The following USP37 variants were observed in gnomAD, a reference collection of about 807,000 sequenced individuals.
USP37 encodes the protein ubiquitin specific peptidase 37.
Under a neutral mutation model 124.0 loss-of-function variants are expected in USP37, and 27 were observed. The observed-to-expected ratio is 0.22, with a 90% CI of 0.16 to 0.30. The LOEUF (loss-of-function observed/expected upper bound fraction) is 0.30. Among genes scored for constraint, USP37 ranks in the 10% least tolerant of loss-of-function variants. The pLI is 1.00. For missense variants in USP37, 889 were observed against 1,140.4 expected (o/e 0.78, Z 3.17); for synonymous variants, 365 against 388.0 (o/e 0.94, Z 0.70).
intron 10 of USP37, among the ~76,000 whole-genome samples, chr2:218,523,543 C>T (rs1459725301): frequency 6.6e-6 from 1 of 152,000 alleles, no homozygotes; most frequent in African/African-American, 2.4e-5. Flanking sequence ...TCTTGTATTC[C>T]AGAAACCTTA....
At chr2:218,471,396 A>T (rs1690681279) in intron 20 of USP37, among the ~76,000 whole-genome samples, 1 of 152,224 alleles carries the variant, frequency 6.6e-6, no homozygotes, top group Non-Finnish European at 1.5e-5. Flanking sequence ...CTGAGAAAAC[A>T]GGCTGCTGAA....
Position 218,455,617 on chromosome 2 carries a change from G to A in USP37, c.2815C>T (p.Arg939Ter), listed in dbSNP as rs769214608. ...AAGAAGATGTAGCCACTCCGATCTC[G>A]ATCACTCTGCACGGCAGCCTCTTGG... ...KIQEAAVQSD[R>*]DRSGYIFFYM... The change falls in exon 25 of 26, where the codon CGA becomes TGA. Residue 939 changes from arginine (R) to a stop codon, truncating the protein, a stop_gained. Coordinates refer to ENST00000258399, the MANE Select transcript of USP37 (RefSeq NM_020935.3). LOFTEE classifies it high-confidence loss of function. 1.9e-6 allele frequency: 3 copies of A among 1,613,878 alleles called. No individual in the cohort carries two copies. Among genetic ancestry groups the A allele is most frequent in the Non-Finnish European group, 1.7e-6 (2 of 1,179,968 alleles).
chr2:218,555,871 G>C (rs778994055), intron 4 of USP37, among the ~76,000 whole-genome samples: 6 of 151,998 alleles, frequency 3.9e-5, no homozygotes, highest in Admixed American at 1.3e-4. Context: ...TCAAAAACTT[G>C]AGACTCTCCC....
In USP37 at chr2:218,453,024, A is replaced by G. The variant is rs1689529790; in HGVS notation, c.*1906T>C. 1 of 152,216 alleles carries G rather than the reference A, an allele frequency of 6.6e-6. No homozygotes were observed. Among genetic ancestry groups the G allele is most frequent in the South Asian group, 2.1e-4 (1 of 4,834 alleles). The allele number at this position is 152,216 out of a possible 1,614,324, so 9.4% of individuals were successfully genotyped here. A position where few individuals can be genotyped will look rare whatever the true frequency, so the allele number is the denominator to read the frequency against. On this transcript the variant is annotated 3_prime_UTR_variant, in exon 26 of 26. Coordinates refer to ENST00000258399, the MANE Select transcript of USP37 (RefSeq NM_020935.3). The stretch of plus-strand genomic sequence containing the variant: ...CTACTCTGGCGTTTTCTACCACTCT[A>G]CCATTTTGGAACATTCATTACAATA...
chr2:218,524,763 C>T (rs1476700320), intron 10 of USP37, among the ~76,000 whole-genome samples: 1 of 152,184 alleles, frequency 6.6e-6, no homozygotes, highest in Non-Finnish European at 1.5e-5. Context: ...GCACGCACCA[C>T]CACGCCTGCC....
At chr2:218,495,207 T>C (rs1318882432) in intron 14 of USP37, among the ~76,000 whole-genome samples, 1 of 152,204 alleles carries the variant, frequency 6.6e-6, no homozygotes, top group Non-Finnish European at 1.5e-5. Flanking sequence ...AGTGGCGTCA[T>C]CATGGCTTAC....
At chr2:218,521,855 A>G (rs1690665291) in intron 10 of USP37, among the ~76,000 whole-genome samples, 1 of 152,130 alleles carries the variant, frequency 6.6e-6, no homozygotes, top group African/African-American at 2.4e-5. Context: ...CATCCCCTGT[A>G]ATAATCACCA....
chr2:218,567,673 T>A (rs1023674014), intron 1 of USP37, among the ~76,000 whole-genome samples: 3 of 152,192 alleles, frequency 2.0e-5, no homozygotes, highest in African/African-American at 7.2e-5. Flanking sequence ...AATCATCATT[T>A]CCTTTCATGG....
chr2:218,488,740 A>G (rs111311536), intron 14 of USP37, among the ~76,000 whole-genome samples: 2,957 of 152,134 alleles, frequency 0.019, 89 homozygotes, highest in African/African-American at 0.066. Flanking sequence ...GGTTCAAGCG[A>G]TTCTCCTGCC....
intron 14 of USP37, among the ~76,000 whole-genome samples, 174 bp downstream of exon 14, chr2:218,495,586 A>C (rs1689041263): frequency 6.6e-6 from 1 of 152,170 alleles, no homozygotes; most frequent in Non-Finnish European, 1.5e-5. Flanking sequence ...ATCCCAGGAG[A>C]TCCAGGCTGC....
intron 11 of USP37, 144 bp downstream of exon 11, chr2:218,509,835 G>A (rs1041862822): frequency 2.0e-5 from 14 of 716,492 alleles, no homozygotes; most frequent in Non-Finnish European, 2.8e-5. Context: ...CATTACTTAT[G>A]GATGTAATAA....
chr2:218,472,447 C>T (rs894951702), intron 20 of USP37, among the ~76,000 whole-genome samples: 1 of 151,768 alleles, frequency 6.6e-6, no homozygotes, highest in Non-Finnish European at 1.5e-5. Flanking sequence ...CCCCAAAGCA[C>T]GTCAGCCTGA....
chr2:218,456,417 G>A (rs888677943), intron 24 of USP37, among the ~76,000 whole-genome samples: 5 of 148,730 alleles, frequency 3.4e-5, no homozygotes, highest in African/African-American at 1.2e-4. Flanking sequence ...TAATGATGGT[G>A]CCACTGCACT....
intron 16 of USP37, among the ~76,000 whole-genome samples, chr2:218,483,657 TC>T (rs1213315838): frequency 2.6e-5 from 4 of 151,216 alleles, no homozygotes; most frequent in South Asian, 2.1e-4. Context: ...AGCATTTTTT[TC>T]CCCCCACTTG....
chr2:218,478,424 C>A (rs1186310961), intron 18 of USP37, among the ~76,000 whole-genome samples: 3 of 152,190 alleles, frequency 2.0e-5, no homozygotes. Context: ...GCTACCATTG[C>A]ACCAGGGTAA....
chr2:218,547,994 TTTGTTTTACAGAA>T (rs1238060767), intron 6 of USP37, among the ~76,000 whole-genome samples: 2 of 152,228 alleles, frequency 1.3e-5, no homozygotes, highest in East Asian at 3.8e-4. Flanking sequence ...TCCTATTACT[TTTGTTTTACAGAA>T]TTACAATCCT....
At position 218,455,142 on chromosome 2, in the gene USP37, A is replaced by G. The variant is rs988742331; in HGVS notation, c.2853-125T>C. On this transcript the variant is annotated intron_variant, in intron 25 of 25. Transcript: ENST00000258399. ...CTTCACAATTCCATTTCATGCCTGT[A>G]TTTTATTTAAAAAGCAGCTCACTCA... The G allele has an allele frequency of 8.7e-6, 10 of 1,147,798 alleles. No homozygotes were observed. The African/African-American group carries it at 1.6e-4, about 18-fold the overall frequency. 71.1% of individuals were successfully genotyped at this position (1,147,798 alleles called of 1,614,324 possible).
At chr2:218,477,314 T>C (rs1379776375) in intron 18 of USP37, among the ~76,000 whole-genome samples, 1 of 152,236 alleles carries the variant, frequency 6.6e-6, no homozygotes, top group African/African-American at 2.4e-5. Context: ...GAATAAATGT[T>C]TTTGACAACA....
At chr2:218,459,947 T>C (rs369039918) in intron 22 of USP37, 42 bp from the exon 23 acceptor site, 28 of 1,516,012 alleles carry the variant, frequency 1.8e-5, no homozygotes, top group Non-Finnish European at 2.6e-5. Flanking sequence ...GTTCTTGGAA[T>C]AGAATGGACG....
Sources: gnomAD v4.1 joint callset for allele counts (sites outside exome capture counted in the v4.1 genomes callset) on GRCh38, gnomAD v4.1.1 for gene constraint, MANE v1.5 for transcripts, NCBI Gene and HGNC (gene_info 2026-07-23, HGNC 2026-07-21) for gene names.